PCCB: variants seen among roughly 807,000 people sequenced by gnomAD.
PCCB encodes propionyl-CoA carboxylase subunit beta.
In PCCB, 43 loss-of-function variants were observed where a neutral mutation model predicts 60.7. The ratio of observed to expected loss-of-function variants is 0.71; its 90% CI spans 0.55 to 0.91. The LOEUF is 0.91. Among genes scored for constraint, PCCB ranks in the 40% least tolerant of loss-of-function variants. PCCB has a pLI of 0.00. For synonymous variants in PCCB, 276 were observed against 255.9 expected (o/e 1.08, Z -0.75); for missense variants, 766 against 702.8 (o/e 1.09, Z -1.02).
At chr3:136,254,241 C>T (rs1204849222) in intron 1 of PCCB, among the ~76,000 whole-genome samples, 1 of 151,546 alleles carries the variant, frequency 6.6e-6, no homozygotes, top group Non-Finnish European at 1.5e-5. Flanking sequence ...TTTTTTGAGA[C>T]AGTGTCTCAC....
At position 136,314,663 on chromosome 3, in the gene PCCB, CAAAAACAAAAACAA is replaced by C. The variant is rs1161686336; in HGVS notation, c.967-2267_967-2254del. Among the ~76,000 whole-genome samples, 42 of 151,398 alleles carry C rather than the reference CAAAAACAAAAACAA, an allele frequency of 2.8e-4. No individual in the cohort carries two copies. The East Asian group carries it at 5.8e-3, about 21-fold the overall frequency. On this transcript the variant is annotated intron_variant, in intron 9 of 14. Coordinates refer to ENST00000251654, the MANE Select transcript of PCCB (RefSeq NM_000532.5). The stretch of plus-strand genomic sequence containing the variant: ...GAGTAAGACCCTGTCTCAAGAAAAA[CAAAAACAAAAACAA>C]AAAAACAAAACAAAAAAACTCACCA...
intron 10 of PCCB, 76 bp from the exon 11 acceptor site, chr3:136,326,727 C>T (rs1935324110): frequency 3.9e-6 from 4 of 1,031,980 alleles, no homozygotes; most frequent in Non-Finnish European, 6.2e-6. Flanking sequence ...TGGATGGCTG[C>T]TGAGGACAAA....
chr3:136,312,863 A>G (rs995099428), intron 9 of PCCB, among the ~76,000 whole-genome samples: 10 of 152,338 alleles, frequency 6.6e-5, no homozygotes, highest in African/African-American at 1.4e-4. Context: ...ATCCCAGAGT[A>G]TGAATATTCT....
intron 10 of PCCB, 148 bp downstream of exon 10, chr3:136,317,212 ATTTTTTTTTTTT>A (rs397694948): frequency 3.3e-4 from 85 of 259,670 alleles, no homozygotes; most frequent in Middle Eastern, 1.0e-3. Flanking sequence ...ATAAAAGCTA[ATTTTTTTTTTTT>A]TTTTTTTTTT....
At position 136,254,518 on chromosome 3, in the gene PCCB, CTTTTTTTTTT is replaced by C. The variant is rs3994953; in HGVS notation, c.184-1317_184-1308del. Among the ~76,000 whole-genome samples, 17 of 45,928 alleles carry C rather than the reference CTTTTTTTTTT, an allele frequency of 3.7e-4. 1 individual carries two copies. Among genetic ancestry groups the C allele is most frequent in the Non-Finnish European group, 4.5e-4 (12 of 26,902 alleles). 30.1% of individuals were successfully genotyped at this position (45,928 alleles called of 152,430 possible). On this transcript the variant is annotated intron_variant, in intron 1 of 14. Coordinates refer to ENST00000251654, the MANE Select transcript of PCCB (RefSeq NM_000532.5). ...TACAGGTGTGAGCCACTGCGGCTAG[CTTTTTTTTTT>C]TTTTTTTTTTTTTTTTTTTTAAAAG...
At chr3:136,268,116 A>ATATATATATG (rs1942081545) in intron 5 of PCCB, among the ~76,000 whole-genome samples, 1 of 119,218 alleles carries the variant, frequency 8.4e-6, no homozygotes, top group Non-Finnish European at 1.7e-5. Context: ...ATATATATAT[A>ATATATATATG]TATATGTATA....
At chr3:136,269,171 C>T (rs1295499239) in intron 5 of PCCB, among the ~76,000 whole-genome samples, 1 of 152,134 alleles carries the variant, frequency 6.6e-6, no homozygotes, top group East Asian at 1.9e-4. Context: ...ATCCCAGCTA[C>T]TCAGAAGGCT....
At chr3:136,252,187 C>T (rs1190446789) in intron 1 of PCCB, 1 of 436,336 alleles carries the variant, frequency 2.3e-6, no homozygotes, top group African/African-American at 2.0e-5. Context: ...CGGCCCTGCA[C>T]CCCTTTTAAA....
chr3:136,260,644 A>C (rs1941796016), intron 4 of PCCB, 109 bp downstream of exon 4: 1 of 921,100 alleles, frequency 1.1e-6, no homozygotes, highest in South Asian at 1.4e-5. Context: ...GGTAGGGCAG[A>C]GGTATGCAAG....
At chr3:136,328,901 A>C (rs766601302) in intron 14 of PCCB, 44 bp downstream of exon 14, 7 of 1,432,990 alleles carry the variant, frequency 4.9e-6, no homozygotes, top group Non-Finnish European at 6.9e-6. Flanking sequence ...TGTTTGGTCA[A>C]CTTGCTCATT....
intron 9 of PCCB, among the ~76,000 whole-genome samples, chr3:136,303,589 CTTAT>C (rs780908084): frequency 1.6e-5 from 2 of 121,592 alleles, no homozygotes; most frequent in African/African-American, 2.5e-5. Context: ...ATTTGCTTTA[CTTAT>C]TTATTTATTT....
intron 8 of PCCB, among the ~76,000 whole-genome samples, chr3:136,299,776 ATGTG>A (rs1202480326): frequency 6.0e-5 from 9 of 150,708 alleles, no homozygotes; most frequent in Admixed American, 2.0e-4. Flanking sequence ...ATAGGTATGC[ATGTG>A]TATGTATGTA....
chr3:136,264,448 G>GTATATATATATATATATATATATATA (rs71157366), intron 5 of PCCB, among the ~76,000 whole-genome samples: 1 of 107,224 alleles, frequency 9.3e-6, no homozygotes, highest in African/African-American at 3.0e-5. Flanking sequence ...GTGTATATAT[G>GTATATATATATATATATATATATATA]TATATATATA....
chr3:136,327,631 T>C lies in PCCB; in HGVS notation c.1300-3T>C. The C allele has an allele frequency of 1.9e-6, 3 of 1,608,996 alleles. No homozygotes were observed. Among genetic ancestry groups the C allele is most frequent in the Non-Finnish European group, 2.6e-6 (3 of 1,175,280 alleles). ...TAACACTCAGCATTTGGATCTGTTT[T>C]AGGCCTATGGAGGTGCCTATGATGT... On this transcript the variant is annotated splice_polypyrimidine_tract_variant and splice_region_variant and intron_variant, in intron 12 of 14. Transcript: ENST00000251654.
chr3:136,307,034 A>G lies in PCCB; in HGVS notation c.966+5923A>G, dbSNP rs113087809. ...GGGCAAGAGAATAAAATGGCATCCA[A>G]CTTCTCCAAAGCAACGTAGAAAAGC... On this transcript the variant is annotated intron_variant, in intron 9 of 14. Transcript: ENST00000251654. 1.6e-5 allele frequency among the ~76,000 whole-genome samples: 2 copies of G among 122,950 alleles called. 1 individual carries two copies. Among genetic ancestry groups the G allele is most frequent in the African/African-American group, 5.0e-5 (2 of 40,216 alleles). 80.7% of individuals were successfully genotyped at this position (122,950 alleles called of 152,430 possible).
Position 136,290,893 on chromosome 3 carries a change from T to G in PCCB, c.655-2863T>G, listed in dbSNP as rs188663697. 7.9e-5 allele frequency among the ~76,000 whole-genome samples: 12 copies of G among 152,060 alleles called. No individual in the cohort carries two copies. In the East Asian group the frequency reaches 1.5e-3, roughly 20 times the overall value. On this transcript the variant is annotated intron_variant, in intron 6 of 14. Transcript: ENST00000251654. ...AGATACTCCAGTTTTGTTTTGTTTTTTTTGATCCATTTTTTTCTCTTCGCT... is the reference window on the plus strand; with the variant it reads ...AGATACTCCAGTTTTGTTTTGTTTTGTTTGATCCATTTTTTTCTCTTCGCT...
At chr3:136,263,369 G>A (rs1028603356) in intron 5 of PCCB, among the ~76,000 whole-genome samples, 5 of 151,324 alleles carry the variant, frequency 3.3e-5, no homozygotes, top group Admixed American at 6.6e-5. Flanking sequence ...GGGCTCAAGC[G>A]ATCATCCCAC....
chr3:136,255,882 C>G lies in PCCB; in HGVS notation c.210C>G (p.Ile70Met), dbSNP rs1195573163. The change falls in exon 2 of 15, where the codon ATC becomes ATG. Residue 70 changes from isoleucine to methionine, a missense_variant. Physicochemically the swap from Ile to Met is conservative, Grantham distance 10. Coordinates refer to ENST00000251654, the MANE Select transcript of PCCB (RefSeq NM_000532.5). Reference protein sequence around the residue: ...KRGKLTARERISLLLDPGSFV... With the variant: ...KRGKLTARERMSLLLDPGSFV... ...GAAAGCTAACAGCCAGGGAGAGGATCAGTCTCTTGCTGGACCCTGGCAGCT... is the reference window on the plus strand; with the variant it reads ...GAAAGCTAACAGCCAGGGAGAGGATGAGTCTCTTGCTGGACCCTGGCAGCT... 1 of 1,613,956 alleles carries G rather than the reference C, an allele frequency of 6.2e-7. No individual in the cohort carries two copies. Among genetic ancestry groups the G allele is most frequent in the Admixed American group, 1.7e-5 (1 of 60,018 alleles).
intron 5 of PCCB, among the ~76,000 whole-genome samples, chr3:136,266,390 A>C (rs909146700): frequency 1.3e-5 from 2 of 152,096 alleles, no homozygotes; most frequent in Admixed American, 6.6e-5. Flanking sequence ...TGGCCTCCCA[A>C]AGTGCTGGGA....
Sources: gnomAD v4.1 joint callset for allele counts (sites outside exome capture counted in the v4.1 genomes callset) on GRCh38, gnomAD v4.1.1 for gene constraint, MANE v1.5 for transcripts, NCBI Gene and HGNC (gene_info 2026-07-23, HGNC 2026-07-21) for gene names.